TRMT11: variants seen among roughly 807,000 people sequenced by gnomAD.
The protein encoded by TRMT11 is tRNA (guanine(10)-N(2))-methyltransferase TRMT11.
In TRMT11, 53 loss-of-function variants were observed where a neutral mutation model predicts 62.8. The ratio of observed to expected loss-of-function variants is 0.84; its 90% CI spans 0.68 to 1.06. The LOEUF (loss-of-function observed/expected upper bound fraction) is 1.06. Ranked by LOEUF, TRMT11 falls within the 50% of genes least tolerant of loss-of-function variation. TRMT11 has a pLI of 0.00. For synonymous variants in TRMT11, 188 were observed against 190.3 expected, an observed-to-expected ratio of 0.99 and a Z score of 0.10; for missense variants, 556 against 553.4, an observed-to-expected ratio of 1.00 and a Z score of -0.05.
chr6:125,988,562 G>A (rs1199560124), intron 1 of TRMT11, among the ~76,000 whole-genome samples: 1 of 152,096 alleles, frequency 6.6e-6, no homozygotes, highest in Non-Finnish European at 1.5e-5. Context: ...GTTGCCTGAG[G>A]GCCTGTTTTG....
chr6:126,060,343 G>C (rs536404682), intron 17 of TRMT11, among the ~76,000 whole-genome samples: 1 of 152,080 alleles, frequency 6.6e-6, no homozygotes, highest in African/African-American at 2.4e-5. Context: ...ATAATGTTTC[G>C]CCTCAGAATC....
chr6:126,218,750 T>C, the TRMT11 span, among the ~76,000 whole-genome samples: 1 of 152,198 alleles, frequency 6.6e-6, no homozygotes, highest in Non-Finnish European at 1.5e-5. Flanking sequence ...GGTCATGTGC[T>C]CTGAGCCCAG....
chr6:126,055,556 T>G lies in TRMT11; in HGVS notation c.*1437+2366T>G, dbSNP rs551758054. Among the ~76,000 whole-genome samples, 3 of 151,994 alleles carry G rather than the reference T, an allele frequency of 2.0e-5. No individual in the cohort carries two copies. In the East Asian group the frequency reaches 5.8e-4, roughly 29 times the overall value. On this transcript the variant is annotated intron_variant and NMD_transcript_variant, in intron 17 of 22. Coordinates refer to the TRMT11 transcript ENST00000648977. ...AGTCCCAAACTCTGGCACTTAAAAA[T>G]AAAAAATAAAAAACAAGACTATACC...
chr6:126,246,445 A>G, the TRMT11 span, among the ~76,000 whole-genome samples: 1 of 152,202 alleles, frequency 6.6e-6, no homozygotes, highest in East Asian at 1.9e-4. Context: ...GAAAAGTAAA[A>G]CATAGTGTGA....
At chr6:126,239,977 C>T in the TRMT11 span, among the ~76,000 whole-genome samples, 2 of 152,224 alleles carry the variant, frequency 1.3e-5, no homozygotes, top group Admixed American at 6.5e-5. Context: ...ATCACTGATA[C>T]CCTTTCTTCC....
At chr6:126,218,013 T>C in the TRMT11 span, among the ~76,000 whole-genome samples, 1 of 152,116 alleles carries the variant, frequency 6.6e-6, no homozygotes, top group African/African-American at 2.4e-5. Context: ...CAGAGGAGTC[T>C]TTTCCCCTGG....
chr6:126,208,236 C>T (rs113574390), downstream of TRMT11, among the ~76,000 whole-genome samples: 1,566 of 152,178 alleles, frequency 0.01, 33 homozygotes, highest in African/African-American at 0.035. Flanking sequence ...TTCTCATATA[C>T]GTTTCTAAAG....
In TRMT11 at chr6:126,022,485, G is replaced by A. The variant is rs116779561; in HGVS notation, c.1260+1205G>A. Among the ~76,000 whole-genome samples the A allele has an allele frequency of 4.9e-3, 739 of 152,000 alleles. 6 individuals carry two copies. The highest frequency in any genetic ancestry group is 0.017 in the African/African-American group (723 of 41,448). ...TATATTATTTTACATCATTGTTTTC[G>A]TCCTTTTTATTTTCATTTGCTGTCT... On this transcript the variant is annotated intron_variant, in intron 12 of 12. Transcript: ENST00000334379.
intron 1 of TRMT11, among the ~76,000 whole-genome samples, chr6:126,178,570 G>A (rs544342916): frequency 6.6e-6 from 1 of 152,250 alleles, no homozygotes; most frequent in Non-Finnish European, 1.5e-5. Context: ...TTTATGCATT[G>A]TAGACTCTGA....
Position 126,038,868 on chromosome 6 carries a change from A to G in TRMT11, c.*32A>G. 6.4e-7 allele frequency: 1 copy of G among 1,561,774 alleles called. No homozygotes were observed. The highest frequency in any genetic ancestry group is 1.2e-5 in the South Asian group (1 of 82,774). On this transcript the variant is annotated 3_prime_UTR_variant, in exon 13 of 13. Transcript: ENST00000334379. ...AGATTTTGACAATGAAGAAAGAATAAGAATTTGATTTAAAAAGACATCTGG... is the reference window on the plus strand; with the variant it reads ...AGATTTTGACAATGAAGAAAGAATAGGAATTTGATTTAAAAAGACATCTGG...
chr6:126,186,020 G>A (rs1778523215), intron 1 of TRMT11, among the ~76,000 whole-genome samples: 1 of 152,132 alleles, frequency 6.6e-6, no homozygotes, highest in South Asian at 2.1e-4. Context: ...TTCGGGTGGG[G>A]ACACAACCAA....
At chr6:126,236,091 C>T in the TRMT11 span, among the ~76,000 whole-genome samples, 6 of 152,196 alleles carry the variant, frequency 3.9e-5, no homozygotes, top group African/African-American at 1.4e-4. Flanking sequence ...AACCATTATA[C>T]TCAGGAAGTA....
intron 1 of TRMT11, 58 bp downstream of exon 1, chr6:125,986,680 A>C: frequency 1.3e-6 from 2 of 1,486,552 alleles, no homozygotes; most frequent in Non-Finnish European, 1.8e-6. Flanking sequence ...AGTGGAGTGG[A>C]GTGGGTGGAG....
At chr6:126,265,107 T>C in the TRMT11 span, among the ~76,000 whole-genome samples, 2 of 152,188 alleles carry the variant, frequency 1.3e-5, no homozygotes, top group Non-Finnish European at 2.9e-5. Flanking sequence ...TTTATGTTCA[T>C]ATACACACAT....
chr6:126,245,647 G>A, the TRMT11 span, among the ~76,000 whole-genome samples: 1 of 152,244 alleles, frequency 6.6e-6, no homozygotes, highest in South Asian at 2.1e-4. Flanking sequence ...TGATATAACA[G>A]AAGTTTGATT....
the TRMT11 span, among the ~76,000 whole-genome samples, chr6:126,231,571 G>A: frequency 1.2e-4 from 19 of 152,260 alleles, no homozygotes; most frequent in Admixed American, 7.2e-4. Flanking sequence ...ATTTTCAACC[G>A]TGCAGAGGGT....
chr6:126,067,849 A>G (rs1181233799), intron 17 of TRMT11, among the ~76,000 whole-genome samples: 2 of 152,170 alleles, frequency 1.3e-5, no homozygotes, highest in Non-Finnish European at 2.9e-5. Flanking sequence ...AACTGACGCA[A>G]TCTTTAAATT....
intron 16 of TRMT11, among the ~76,000 whole-genome samples, chr6:126,046,379 C>A (rs1432420195): frequency 6.6e-6 from 1 of 152,152 alleles, no homozygotes; most frequent in Non-Finnish European, 1.5e-5. Flanking sequence ...TTTTGGGGAC[C>A]AAAATCATTG....
At chr6:126,126,618 A>G (rs1382923139) in intron 21 of TRMT11, among the ~76,000 whole-genome samples, 2 of 152,040 alleles carry the variant, frequency 1.3e-5, no homozygotes, top group Admixed American at 6.5e-5. Context: ...AGCAGTCTTC[A>G]TGTTTTCTCT....
Sources: gnomAD v4.1 joint callset for allele counts (sites outside exome capture counted in the v4.1 genomes callset) on GRCh38, gnomAD v4.1.1 for gene constraint, MANE v1.5 for transcripts, NCBI Gene and HGNC (gene_info 2026-07-23, HGNC 2026-07-21) for gene names.